OPCML: variants seen among roughly 807,000 people sequenced by gnomAD.
OPCML encodes the protein opioid-binding protein/cell adhesion molecule.
A neutral mutation model predicts 37.8 loss-of-function variants in OPCML; 13 were observed. The observed-to-expected ratio is 0.34, with a 90% CI of 0.22 to 0.55. OPCML has a LOEUF of 0.55. Ranked by LOEUF, OPCML falls within the 20% of genes least tolerant of loss-of-function variation. OPCML has a pLI of 0.91. For synonymous variants in OPCML, 176 were observed against 168.8 expected (o/e 1.04, Z -0.33); for missense variants, 341 against 435.6 (o/e 0.78, Z 1.93).
chr11:132,938,631 C>T (rs953819333), intron 2 of OPCML, among the ~76,000 whole-genome samples: 7 of 152,130 alleles, frequency 4.6e-5, no homozygotes, highest in African/African-American at 1.7e-4. Flanking sequence ...CCTGTATGTA[C>T]ACAATTCAAC....
At chr11:132,614,198 C>T (rs1330414016) in intron 3 of OPCML, among the ~76,000 whole-genome samples, 4 of 152,148 alleles carry the variant, frequency 2.6e-5, no homozygotes, top group African/African-American at 9.7e-5. Flanking sequence ...CAGACATGCC[C>T]TGTGCTTTGG....
At chr11:133,453,018 C>A (rs1946609542) in intron 1 of OPCML, among the ~76,000 whole-genome samples, 2 of 152,112 alleles carry the variant, frequency 1.3e-5, no homozygotes, top group South Asian at 4.2e-4. Context: ...TGTTTACTTA[C>A]CCAAAACTTT....
chr11:132,553,187 T>A (rs979194359), intron 3 of OPCML, among the ~76,000 whole-genome samples: 1 of 152,180 alleles, frequency 6.6e-6, no homozygotes, highest in Non-Finnish European at 1.5e-5. Flanking sequence ...ATCAGTCATC[T>A]CCCATAATGG....
chr11:132,568,572 A>T (rs912426902), intron 3 of OPCML, among the ~76,000 whole-genome samples: 1 of 152,212 alleles, frequency 6.6e-6, no homozygotes, highest in Non-Finnish European at 1.5e-5. Flanking sequence ...TGACAGAGAC[A>T]GAGACTGCAG....
chr11:132,901,130 C>A (rs2659607), intron 2 of OPCML, among the ~76,000 whole-genome samples: 76,642 of 151,652 alleles, frequency 0.51, 19,820 homozygotes, highest in Middle Eastern at 0.58. Flanking sequence ...CAGGGAGCCA[C>A]CATCATGCCA....
chr11:132,927,622 A>T (rs1399096615), intron 2 of OPCML, among the ~76,000 whole-genome samples: 1 of 152,148 alleles, frequency 6.6e-6, no homozygotes, highest in East Asian at 1.9e-4. Flanking sequence ...AAGTAATTTA[A>T]ATTTGTATGA....
intron 1 of OPCML, among the ~76,000 whole-genome samples, chr11:133,139,793 G>A (rs1949740966): frequency 6.6e-6 from 1 of 152,162 alleles, no homozygotes. Flanking sequence ...GTCATGATTA[G>A]ACTTTTATAT....
intron 2 of OPCML, among the ~76,000 whole-genome samples, chr11:132,864,948 C>T (rs1942467622): frequency 6.6e-6 from 1 of 152,352 alleles, no homozygotes; most frequent in African/African-American, 2.4e-5. Context: ...CTCCTGAAGC[C>T]ATGCTGGTGG....
At chr11:133,014,185 G>T (rs924544493) in intron 1 of OPCML, among the ~76,000 whole-genome samples, 5 of 152,072 alleles carry the variant, frequency 3.3e-5, no homozygotes, top group African/African-American at 1.2e-4. Context: ...CCATTATCTT[G>T]TTGCTTCTCT....
intron 2 of OPCML, among the ~76,000 whole-genome samples, chr11:132,715,548 G>A (rs943043779): frequency 6.6e-6 from 1 of 152,116 alleles, no homozygotes; most frequent in African/African-American, 2.4e-5. Flanking sequence ...TAATGGTATT[G>A]GGAGGCATGG....
intron 1 of OPCML, chr11:133,420,144 ATAG>A (rs1225785385): frequency 9.0e-6 from 4 of 443,080 alleles, no homozygotes; most frequent in African/African-American, 8.8e-5. Context: ...AGTAAATGTT[ATAG>A]TAATTAAATA....
At chr11:132,471,265 GGC>G (rs1283365188) in intron 4 of OPCML, among the ~76,000 whole-genome samples, 1 of 152,162 alleles carries the variant, frequency 6.6e-6, no homozygotes, top group Non-Finnish European at 1.5e-5. Flanking sequence ...GGCAGGGGAT[GGC>G]TGTGGATGGT....
chr11:133,216,719 T>C (rs1390286602), intron 1 of OPCML, among the ~76,000 whole-genome samples: 1 of 152,202 alleles, frequency 6.6e-6, no homozygotes, highest in Non-Finnish European at 1.5e-5. Context: ...TGGAACTATC[T>C]AAATGCAAAG....
chr11:133,154,448 TC>T (rs1950028832), intron 1 of OPCML, among the ~76,000 whole-genome samples: 1 of 152,218 alleles, frequency 6.6e-6, no homozygotes, highest in Non-Finnish European at 1.5e-5. Flanking sequence ...TTATGACTAT[TC>T]TTTTACATAA....
chr11:132,916,183 C>A (rs956519606), intron 2 of OPCML, among the ~76,000 whole-genome samples: 1 of 152,100 alleles, frequency 6.6e-6, no homozygotes, highest in Non-Finnish European at 1.5e-5. Context: ...TTGATGGTAA[C>A]ATATATATGC....
chr11:133,367,776 C>T (rs181863379), intron 1 of OPCML, among the ~76,000 whole-genome samples: 1 of 152,314 alleles, frequency 6.6e-6, no homozygotes, highest in African/African-American at 2.4e-5. Context: ...TCTTCCACCA[C>T]ACTCACAAAC....
intron 1 of OPCML, among the ~76,000 whole-genome samples, chr11:133,268,510 G>A (rs531108950): frequency 6.6e-6 from 1 of 152,260 alleles, no homozygotes; most frequent in South Asian, 2.1e-4. Flanking sequence ...ATAATAAAAT[G>A]TCTAGCAATT....
rs189449241 is a variant in OPCML, at chr11:133,275,198, T to C, written c.61+257066A>G. On this transcript the variant is annotated intron_variant, in intron 1 of 7. Transcript: ENST00000524381. ...CTGGGTTGAGCCAACTGGAAGATCC[T>C]TTTTTTCTCAAAAAAATATGTATTT... is the stretch of plus-strand genomic sequence containing the variant. Among the ~76,000 whole-genome samples, 5 of 152,236 alleles carry C rather than the reference T, an allele frequency of 3.3e-5. No homozygotes were observed. The East Asian group carries it at 7.7e-4, about 24-fold the overall frequency.
In OPCML at chr11:133,165,461, C is replaced by T. The variant is rs116111034; in HGVS notation, c.62-222451G>A. ...CAACGAAGGGTTCCTTTTCCCTGGG[C>T]CTGGACAACCCAGCTCCTCTGGGTT... On this transcript the variant is annotated intron_variant, in intron 1 of 7. Coordinates refer to ENST00000524381, the MANE Select transcript of OPCML (RefSeq NM_001012393.5). Among the ~76,000 whole-genome samples, 1,427 of 152,250 alleles carry T rather than the reference C, an allele frequency of 9.4e-3. 23 individuals carry two copies. The highest frequency in any genetic ancestry group is 0.033 in the African/African-American group (1,362 of 41,540).
Sources: gnomAD v4.1 joint callset for allele counts (sites outside exome capture counted in the v4.1 genomes callset) on GRCh38, gnomAD v4.1.1 for gene constraint, MANE v1.5 for transcripts, NCBI Gene and HGNC (gene_info 2026-07-23, HGNC 2026-07-21) for gene names.